The following PDE4B variants were observed in gnomAD, a reference collection of about 807,000 sequenced individuals.
The protein encoded by PDE4B is 3',5'-cyclic-AMP phosphodiesterase 4B.
In PDE4B, 20 loss-of-function variants were observed where a neutral mutation model predicts 82.2. That is an observed-to-expected ratio of 0.24 (90% confidence interval 0.17 to 0.35). The LOEUF (loss-of-function observed/expected upper bound fraction) is 0.35, where lower values mean the gene tolerates loss of function less well. Among genes scored for constraint, PDE4B ranks in the 10% least tolerant of loss-of-function variants. The pLI, the probability that PDE4B is intolerant of heterozygous loss-of-function variation, is 1.00. For missense variants in PDE4B, 655 were observed against 907.2 expected, an observed-to-expected ratio of 0.72 and a Z score of 3.57; for synonymous variants, 320 against 318.9, an observed-to-expected ratio of 1.00 and a Z score of -0.04.
chr1:66,227,468 G>T (rs1651546347), intron 3 of PDE4B, among the ~76,000 whole-genome samples: 1 of 152,146 alleles, frequency 6.6e-6, no homozygotes, highest in Non-Finnish European at 1.5e-5. Flanking sequence ...TATGCAAAGT[G>T]CTAAACAAAG....
chr1:65,953,845 C>T (rs552159773), intron 3 of PDE4B, among the ~76,000 whole-genome samples: 39 of 151,778 alleles, frequency 2.6e-4, no homozygotes, highest in Middle Eastern at 3.4e-3. Flanking sequence ...TTGAATGACT[C>T]AATAATATTT....
chr1:65,865,049 G>T lies in PDE4B; in HGVS notation c.-70-48196G>T, dbSNP rs552939706. ...TTTTATCTATAAGCCCCTGTATGGG[G>T]CTGCTGCCTTTCCTTCAGAGATGCA... On this transcript the variant is annotated intron_variant, in intron 1 of 16. Coordinates refer to ENST00000341517, the MANE Select transcript of PDE4B (RefSeq NM_002600.4). Among the ~76,000 whole-genome samples, 4 of 152,202 alleles carry T rather than the reference G, an allele frequency of 2.6e-5. No individual in the cohort carries two copies. In the South Asian group the frequency reaches 8.3e-4, roughly 32 times the overall value.
chr1:66,056,187 A>C (rs1370035162), intron 3 of PDE4B, among the ~76,000 whole-genome samples: 1 of 152,236 alleles, frequency 6.6e-6, no homozygotes, highest in East Asian at 1.9e-4. Context: ...GGAAAAATAG[A>C]TGAAATGTTT....
At chr1:66,144,009 A>G (rs1209082058) in intron 3 of PDE4B, among the ~76,000 whole-genome samples, 11 of 152,244 alleles carry the variant, frequency 7.2e-5, no homozygotes. Flanking sequence ...ATTTGCTTAA[A>G]CCACTGTAAC....
intron 3 of PDE4B, among the ~76,000 whole-genome samples, chr1:66,117,266 G>T (rs2503167): frequency 2.0e-5 from 3 of 151,986 alleles, no homozygotes; most frequent in South Asian, 2.1e-4. Flanking sequence ...GAAAAAAAAA[G>T]TTGATGATCT....
chr1:65,989,766 T>C (rs1325867355), intron 3 of PDE4B, among the ~76,000 whole-genome samples: 1 of 152,192 alleles, frequency 6.6e-6, no homozygotes, highest in African/African-American at 2.4e-5. Context: ...TCTCAAATAG[T>C]ATACTTTGCT....
chr1:66,159,910 G>C (rs1646577054), intron 3 of PDE4B, among the ~76,000 whole-genome samples: 1 of 152,130 alleles, frequency 6.6e-6, no homozygotes, highest in Non-Finnish European at 1.5e-5. Context: ...TCCTGAATTA[G>C]GTGTTTGTAG....
chr1:66,218,857 G>C (rs947695360), intron 3 of PDE4B, among the ~76,000 whole-genome samples: 1 of 152,138 alleles, frequency 6.6e-6, no homozygotes, highest in African/African-American at 2.4e-5. Flanking sequence ...TCCAGCTACA[G>C]ATGGATAGCT....
chr1:65,795,323 T>A (rs573388445), intron 1 of PDE4B, among the ~76,000 whole-genome samples: 131 of 152,372 alleles, frequency 8.6e-4, no homozygotes, highest in Non-Finnish European at 1.8e-3. Flanking sequence ...TGGTGGTTAG[T>A]AATTTATTAT....
intron 3 of PDE4B, among the ~76,000 whole-genome samples, chr1:66,203,182 G>C (rs373898380): frequency 5.3e-4 from 80 of 152,062 alleles, no homozygotes; most frequent in East Asian, 7.7e-4. Context: ...GGCCCCCACT[G>C]TCTTCTGGCT....
intron 3 of PDE4B, among the ~76,000 whole-genome samples, chr1:66,128,346 T>C (rs1249868907): frequency 6.6e-6 from 1 of 152,256 alleles, no homozygotes; most frequent in Non-Finnish European, 1.5e-5. Context: ...ACTGTATTTG[T>C]GTAATTTTCA....
At position 66,368,042 on chromosome 1, in the gene PDE4B, GA is replaced by G; in HGVS notation, c.1640del (p.Asp547AlafsTer19). 6.2e-7 allele frequency: 1 copy of G among 1,613,814 alleles called. No individual in the cohort carries two copies. The highest frequency in any genetic ancestry group is 8.5e-7 in the Non-Finnish European group (1 of 1,179,822). ...TACAAGTTCAGGCGTTCTTCTCCTA[GA>G]CAACTATACCGATCGCATTCAGGTA... The part of the protein sequence containing the change: ...KVTSSGVLLL[D>X]NYTDRIQVLR... On this transcript the variant is annotated frameshift_variant, in exon 15 of 17. Coordinates refer to ENST00000341517, the MANE Select transcript of PDE4B (RefSeq NM_002600.4). LOFTEE classifies it high-confidence loss of function.
intron 3 of PDE4B, among the ~76,000 whole-genome samples, chr1:66,137,421 T>C (rs1646080461): frequency 1.3e-5 from 2 of 152,236 alleles, no homozygotes; most frequent in South Asian, 4.1e-4. Context: ...AGATCATGTC[T>C]GATGGCTTTA....
chr1:66,194,853 C>T (rs937669884), intron 3 of PDE4B, among the ~76,000 whole-genome samples: 9 of 152,060 alleles, frequency 5.9e-5, no homozygotes, highest in Non-Finnish European at 8.8e-5. Flanking sequence ...CAGAGATTAA[C>T]ACTCACTTAT....
intron 1 of PDE4B, among the ~76,000 whole-genome samples, chr1:65,880,122 G>T (rs563652995): frequency 1.6e-4 from 24 of 152,278 alleles, no homozygotes; most frequent in African/African-American, 5.5e-4. Flanking sequence ...AGTCTGGCCA[G>T]GGAAATAATG....
intron 13 of PDE4B, among the ~76,000 whole-genome samples, chr1:66,367,115 A>C (rs951038066): frequency 1.3e-5 from 2 of 152,206 alleles, no homozygotes; most frequent in Non-Finnish European, 2.9e-5. Context: ...GCCAAAAGAC[A>C]GAAAATTTGA....
At chr1:65,986,237 C>A (rs1650947877) in intron 3 of PDE4B, among the ~76,000 whole-genome samples, 1 of 152,082 alleles carries the variant, frequency 6.6e-6, no homozygotes, top group Admixed American at 6.6e-5. Context: ...AGTTTATGTC[C>A]TTGGAGAGCT....
At chr1:66,120,356 G>A (rs1384083460) in intron 3 of PDE4B, among the ~76,000 whole-genome samples, 1 of 152,062 alleles carries the variant, frequency 6.6e-6, no homozygotes, top group Non-Finnish European at 1.5e-5. Flanking sequence ...CTGATCTCCT[G>A]GGGGAATTTA....
intron 3 of PDE4B, among the ~76,000 whole-genome samples, chr1:66,232,920 C>T (rs1652093632): frequency 6.6e-6 from 1 of 151,996 alleles, no homozygotes; most frequent in African/African-American, 2.4e-5. Flanking sequence ...AAAGAATTGC[C>T]GGAAAATGAG....
Sources: allele counts gnomAD v4.1 joint callset (sites outside exome capture counted in the v4.1 genomes callset), GRCh38; gene constraint gnomAD v4.1.1; transcripts MANE v1.5; gene names NCBI Gene and HGNC (gene_info 2026-07-23, HGNC 2026-07-21).